MACROD1: variants seen among roughly 807,000 people sequenced by gnomAD.
MACROD1 encodes the protein mono-ADP ribosylhydrolase 1.
In MACROD1, 31 loss-of-function variants were observed where a neutral mutation model predicts 41.4. The observed-to-expected ratio is 0.75, with a 90% CI of 0.56 to 1.01. The LOEUF (loss-of-function observed/expected upper bound fraction) is 1.01, where lower values mean the gene tolerates loss of function less well. Ranked by LOEUF, MACROD1 falls within the 50% of genes least tolerant of loss-of-function variation. The probability of loss-of-function intolerance (pLI) is 0.00; values close to 1 mark genes in which losing one functional copy is unlikely to be tolerated. For synonymous variants in MACROD1, 252 were observed against 203.4 expected, an observed-to-expected ratio of 1.24 and a Z score of -2.03; for missense variants, 473 against 460.0, an observed-to-expected ratio of 1.03 and a Z score of -0.26.
chr11:64,098,972 GA>G (rs1284321198), intron 3 of MACROD1, among the ~76,000 whole-genome samples: 1 of 152,248 alleles, frequency 6.6e-6, no homozygotes, highest in Non-Finnish European at 1.5e-5. Flanking sequence ...ATTAATATCA[GA>G]GAGCTCCGAT....
intron 3 of MACROD1, among the ~76,000 whole-genome samples, chr11:64,110,581 C>T (rs1214991726): frequency 6.6e-6 from 1 of 152,030 alleles, no homozygotes; most frequent in Non-Finnish European, 1.5e-5. Flanking sequence ...AAGAATAATG[C>T]CCCAGGGCCC....
At chr11:64,136,459 G>C (rs1002364717) in intron 3 of MACROD1, among the ~76,000 whole-genome samples, 1 of 152,220 alleles carries the variant, frequency 6.6e-6, no homozygotes, top group Non-Finnish European at 1.5e-5. Flanking sequence ...TGCTGGATGA[G>C]GGTGGGATGC....
At chr11:64,081,400 G>A (rs926355167) in intron 3 of MACROD1, among the ~76,000 whole-genome samples, 2 of 152,148 alleles carry the variant, frequency 1.3e-5, no homozygotes, top group African/African-American at 2.4e-5. Context: ...GCTCAGGGAC[G>A]TTACAACAGC....
chr11:64,137,632 C>T (rs1293218689), intron 3 of MACROD1, among the ~76,000 whole-genome samples: 5 of 152,058 alleles, frequency 3.3e-5, no homozygotes, highest in Admixed American at 1.3e-4. Context: ...CCAAGATACC[C>T]CCAAGTAGCC....
At chr11:64,106,978 G>A (rs1163851260) in intron 3 of MACROD1, among the ~76,000 whole-genome samples, 1 of 152,174 alleles carries the variant, frequency 6.6e-6, no homozygotes, top group African/African-American at 2.4e-5. Flanking sequence ...CCGCCTCCCA[G>A]GTTCAAGTGA....
At chr11:64,083,024 TC>T (rs1450901390) in intron 3 of MACROD1, 1 of 152,272 alleles carries the variant, frequency 6.6e-6, no homozygotes, top group African/African-American at 2.4e-5. Context: ...TTTTCTCATA[TC>T]CCATTAACAA....
At chr11:64,015,172 A>G in intron 4 of MACROD1, 80 bp downstream of exon 4, 1 of 1,420,324 alleles carries the variant, frequency 7.0e-7, no homozygotes, top group South Asian at 1.4e-5. Context: ...ATGGGCACCG[A>G]GGGCGAGGGG....
chr11:64,018,865 T>C (rs2134346470), intron 3 of MACROD1, among the ~76,000 whole-genome samples: 1 of 152,260 alleles, frequency 6.6e-6, no homozygotes, highest in African/African-American at 2.4e-5. Flanking sequence ...CTCAAAGGGC[T>C]CTTCTTGCTG....
intron 3 of MACROD1, among the ~76,000 whole-genome samples, chr11:64,053,157 C>T (rs1368308192): frequency 2.0e-5 from 3 of 152,134 alleles, no homozygotes; most frequent in Admixed American, 6.5e-5. Flanking sequence ...GGGCCCCAGA[C>T]GGAGAGCTGG....
chr11:64,086,857 G>A (rs1042554617), intron 3 of MACROD1: 2 of 152,254 alleles, frequency 1.3e-5, no homozygotes, highest in African/African-American at 4.8e-5. Context: ...GGCGGCTGGG[G>A]ATGGAGCTGG....
chr11:64,065,591 C>T (rs908616339), intron 3 of MACROD1, among the ~76,000 whole-genome samples: 7 of 151,570 alleles, frequency 4.6e-5, no homozygotes, highest in South Asian at 4.2e-4. Flanking sequence ...AGATCAAGAC[C>T]ATCCTGGCTA....
chr11:64,115,178 C>T (rs1944954729), intron 3 of MACROD1, among the ~76,000 whole-genome samples: 1 of 152,180 alleles, frequency 6.6e-6, no homozygotes, highest in Non-Finnish European at 1.5e-5. Context: ...AAGACACCTT[C>T]CTCACTGAGA....
intron 3 of MACROD1, among the ~76,000 whole-genome samples, chr11:64,109,556 G>A (rs1944823786): frequency 6.6e-6 from 1 of 152,178 alleles, no homozygotes; most frequent in Admixed American, 6.5e-5. Context: ...GGGAGTGAGT[G>A]TGGCGTGGAG....
intron 3 of MACROD1, among the ~76,000 whole-genome samples, chr11:64,030,775 G>A (rs1305631312): frequency 6.6e-6 from 1 of 152,078 alleles, no homozygotes; most frequent in African/African-American, 2.4e-5. Flanking sequence ...TTAGAAGCTG[G>A]GCATGGTGGC....
At position 64,065,089 on chromosome 11, in the gene MACROD1, C is replaced by T. The variant is rs915903780; in HGVS notation, c.518-49808G>A. ...CCAGCACAGGCACCTGAGCCAGACT[C>T]GGCGGCCTCGGAGAGACTTCCCAGA... is the stretch of plus-strand genomic sequence containing the variant. On this transcript the variant is annotated intron_variant, in intron 3 of 10. Coordinates refer to ENST00000255681, the MANE Select transcript of MACROD1 (RefSeq NM_014067.4). 1.6e-4 allele frequency among the ~76,000 whole-genome samples: 24 copies of T among 152,310 alleles called. 1 individual carries two copies. The highest frequency in any genetic ancestry group is 1.4e-3 in the Admixed American group (21 of 15,302).
At chr11:64,051,747 C>T (rs770746803) in intron 3 of MACROD1, among the ~76,000 whole-genome samples, 1 of 152,148 alleles carries the variant, frequency 6.6e-6, no homozygotes, top group Non-Finnish European at 1.5e-5. Flanking sequence ...GATAGCCCTG[C>T]GGCCCAGTCC....
intron 3 of MACROD1, among the ~76,000 whole-genome samples, chr11:64,015,534 C>T (rs1008403572): frequency 4.6e-5 from 7 of 152,134 alleles, no homozygotes; most frequent in African/African-American, 1.4e-4. Context: ...CCTGCTCACC[C>T]GGACGCAGAC....
intron 3 of MACROD1, among the ~76,000 whole-genome samples, chr11:64,136,758 C>T (rs886237483): frequency 1.3e-5 from 2 of 152,220 alleles, no homozygotes; most frequent in African/African-American, 4.8e-5. Flanking sequence ...TAGAACACAT[C>T]GTGACGTGGA....
chr11:64,133,888 G>A (rs1349814784), intron 3 of MACROD1, among the ~76,000 whole-genome samples: 1 of 152,230 alleles, frequency 6.6e-6, no homozygotes, highest in African/African-American at 2.4e-5. Context: ...ACCCAGGTCT[G>A]GGGAAGTTCC....
Sources: allele counts gnomAD v4.1 joint callset (sites outside exome capture counted in the v4.1 genomes callset), GRCh38; gene constraint gnomAD v4.1.1; transcripts MANE v1.5; gene names NCBI Gene and HGNC (gene_info 2026-07-23, HGNC 2026-07-21).